The following SCFD1 variants were observed in gnomAD, a reference collection of about 807,000 sequenced individuals.
SCFD1 encodes sec1 family domain containing 1.
A neutral mutation model predicts 103.2 loss-of-function variants in SCFD1; 37 were observed. That is an observed-to-expected ratio of 0.36 (90% CI 0.28 to 0.47). The LOEUF (loss-of-function observed/expected upper bound fraction) is 0.47. Among genes scored for constraint, SCFD1 ranks in the 20% least tolerant of loss-of-function variants. The pLI is 1.00. For synonymous variants in SCFD1, 264 were observed against 245.0 expected (o/e 1.08, Z -0.73); for missense variants, 639 against 761.2 (o/e 0.84, Z 1.89).
intron 23 of SCFD1, among the ~76,000 whole-genome samples, chr14:30,729,115 T>C (rs1893261844): frequency 6.6e-6 from 1 of 152,186 alleles, no homozygotes; most frequent in African/African-American, 2.4e-5. Context: ...ATGATTGAGT[T>C]GTAAGAATTC....
chr14:30,674,856 G>C (rs1888890457), intron 13 of SCFD1, 128 bp from the exon 14 acceptor site: 1 of 483,548 alleles, frequency 2.1e-6, no homozygotes, highest in South Asian at 4.5e-5. Context: ...TTAGTTGATA[G>C]TTTAATTCGT....
intron 7 of SCFD1, among the ~76,000 whole-genome samples, chr14:30,648,436 A>T (rs1886063865): frequency 1.3e-5 from 2 of 152,336 alleles, no homozygotes; most frequent in South Asian, 4.1e-4. Flanking sequence ...TTCAACCTAT[A>T]TGAATAATGT....
At chr14:30,732,768 G>A (rs1273068054) in intron 23 of SCFD1, among the ~76,000 whole-genome samples, 1 of 152,152 alleles carries the variant, frequency 6.6e-6, no homozygotes, top group Non-Finnish European at 1.5e-5. Context: ...ATTTAGTAAT[G>A]TTGTTAATCT....
At chr14:30,669,047 C>G (rs1365492521) in intron 10 of SCFD1, among the ~76,000 whole-genome samples, 1 of 152,140 alleles carries the variant, frequency 6.6e-6, no homozygotes, top group Non-Finnish European at 1.5e-5. Flanking sequence ...AATCCCATTA[C>G]TGGGTATGTA....
chr14:30,625,616 CCTATATAGGTAT>C (rs1883326016), intron 1 of SCFD1, among the ~76,000 whole-genome samples: 1 of 67,096 alleles, frequency 1.5e-5, no homozygotes, highest in South Asian at 4.2e-4. Context: ...TATAGGTATA[CCTATATAGGTAT>C]AGGTATATAG....
chr14:30,714,197 A>C (rs1180810314), intron 19 of SCFD1, among the ~76,000 whole-genome samples: 3 of 150,586 alleles, frequency 2.0e-5, no homozygotes, highest in Admixed American at 2.0e-4. Flanking sequence ...AATACAAAAA[A>C]AAAAAAATTA....
At chr14:30,653,627 T>G in intron 10 of SCFD1, 39 bp downstream of exon 10, 1 of 1,298,118 alleles carries the variant, frequency 7.7e-7, no homozygotes, top group Non-Finnish European at 1.1e-6. Flanking sequence ...TGAAATATAG[T>G]AACATGCAGT....
intron 4 of SCFD1, 143 bp downstream of exon 4, chr14:30,634,180 C>A: frequency 3.5e-6 from 2 of 574,250 alleles, no homozygotes; most frequent in Non-Finnish European, 6.2e-6. Context: ...TCTTTGAATT[C>A]CAAATAGCCT....
chr14:30,662,133 A>T (rs1166192536), intron 10 of SCFD1, among the ~76,000 whole-genome samples: 1 of 152,188 alleles, frequency 6.6e-6, no homozygotes, highest in Non-Finnish European at 1.5e-5. Flanking sequence ...ACACAAATGT[A>T]TTCATGTGCA....
chr14:30,659,980 T>C (rs1200953584), intron 10 of SCFD1, among the ~76,000 whole-genome samples: 1 of 151,866 alleles, frequency 6.6e-6, no homozygotes, highest in East Asian at 1.9e-4. Flanking sequence ...GATCTAAGCA[T>C]GAATACTTCA....
In SCFD1 at chr14:30,627,451, G is replaced by T. The variant is rs1235934965; in HGVS notation, c.62-758G>T. ...TATGCCATGGATAATTTTGTTTTTA[G>T]AAAGACTGATCCAGGCCGGGCGTGG... On this transcript the variant is annotated intron_variant, in intron 1 of 24. Transcript: ENST00000458591. Among the ~76,000 whole-genome samples, 7 of 152,140 alleles carry T rather than the reference G, an allele frequency of 4.6e-5. No individual in the cohort carries two copies. In the South Asian group the frequency reaches 1.4e-3, roughly 32 times the overall value.
At position 30,707,683 on chromosome 14, in the gene SCFD1, A is replaced by C. The variant is rs566705926; in HGVS notation, c.1554-307A>C. 1.3e-4 allele frequency: 31 copies of C among 244,558 alleles called. No homozygotes were observed. In the South Asian group the frequency reaches 1.3e-3, roughly 10 times the overall value. The allele number at this position is 244,558 out of a possible 1,614,324, so 15.1% of individuals were successfully genotyped here. A position where few individuals can be genotyped will look rare whatever the true frequency, so the allele number is the denominator to read the frequency against. ...GAATTCTCTTCAAATTATAACTCGC[A>C]AAAAAAAAATATAGCTAAGACTAGG... is the stretch of plus-strand genomic sequence containing the variant. On this transcript the variant is annotated intron_variant, in intron 18 of 24. Coordinates refer to ENST00000458591, the MANE Select transcript of SCFD1 (RefSeq NM_016106.4).
Position 30,622,357 on chromosome 14 carries a change from G to GCGA in SCFD1, c.21_23dup (p.Thr8dup). The GCGA allele has an allele frequency of 6.4e-7, 1 of 1,566,744 alleles. No homozygotes were observed. Among genetic ancestry groups the GCGA allele is most frequent in the South Asian group, 1.2e-5 (1 of 85,572 alleles). ...AGCCAAGATGGCGGCGGCGGCGGCA[G>GCGA]CGACAGCAGCAGCAGCAGCCAGTAT... is the stretch of plus-strand genomic sequence containing the variant. On this transcript the variant is annotated inframe_insertion, in exon 1 of 25. Coordinates refer to ENST00000458591, the MANE Select transcript of SCFD1 (RefSeq NM_016106.4).
At chr14:30,683,199 G>T in intron 14 of SCFD1, 1 of 1,122,368 alleles carries the variant, frequency 8.9e-7, no homozygotes, top group Non-Finnish European at 1.3e-6. Context: ...TGTTCTGGAT[G>T]GAGAGCAGAA....
At chr14:30,649,349 A>G (rs1886180869) in intron 7 of SCFD1, among the ~76,000 whole-genome samples, 179 bp from the exon 8 acceptor site, 1 of 152,162 alleles carries the variant, frequency 6.6e-6, no homozygotes, top group South Asian at 2.1e-4. Flanking sequence ...TGTACCCCCT[A>G]AATATATTTT....
intron 10 of SCFD1, among the ~76,000 whole-genome samples, chr14:30,655,197 T>C (rs1886784470): frequency 6.6e-6 from 1 of 152,302 alleles, no homozygotes; most frequent in South Asian, 2.1e-4. Context: ...AGGGAAGTTC[T>C]CACTGATAAA....
At chr14:30,658,140 C>T (rs1451169095) in intron 10 of SCFD1, 2 of 452,824 alleles carry the variant, frequency 4.4e-6, no homozygotes, top group Admixed American at 4.7e-5. Context: ...AAGGGATGGA[C>T]ATTATTTTAT....
intron 10 of SCFD1, among the ~76,000 whole-genome samples, chr14:30,667,276 A>C (rs945119251): frequency 3.3e-5 from 5 of 152,224 alleles, no homozygotes; most frequent in Non-Finnish European, 5.9e-5. Flanking sequence ...AACATAATCC[A>C]TCATATAAAC....
At chr14:30,640,564 A>G (rs1030672423) in intron 6 of SCFD1, among the ~76,000 whole-genome samples, 1 of 151,170 alleles carries the variant, frequency 6.6e-6, no homozygotes, top group Non-Finnish European at 1.5e-5. Flanking sequence ...GGATTAACTC[A>G]TATTGAACAG....
Sources: gnomAD v4.1 joint callset for allele counts (sites outside exome capture counted in the v4.1 genomes callset) on GRCh38, gnomAD v4.1.1 for gene constraint, MANE v1.5 for transcripts, NCBI Gene and HGNC (gene_info 2026-07-23, HGNC 2026-07-21) for gene names.